NKAIN3: variants seen among roughly 807,000 people sequenced by gnomAD.
NKAIN3 encodes the protein sodium/potassium-transporting ATPase subunit beta-1-interacting protein 3.
In NKAIN3, 25 loss-of-function variants were observed where a neutral mutation model predicts 30.2. The observed-to-expected ratio is 0.83, with a 90% CI of 0.60 to 1.16. The LOEUF is 1.16. NKAIN3 is among the 50% of genes most tolerant of loss of function. The pLI is 0.00. For missense variants in NKAIN3, 225 were observed against 254.1 expected (o/e 0.89, Z 0.78); for synonymous variants, 91 against 89.6 (o/e 1.02, Z -0.09).
intron 4 of NKAIN3, among the ~76,000 whole-genome samples, chr8:62,799,643 C>T (rs57079192): frequency 0.014 from 2,104 of 152,294 alleles, 49 homozygotes; most frequent in African/African-American, 0.049. Flanking sequence ...GTGGAGATTC[C>T]TTAAAGAACT....
At chr8:62,743,030 C>T (rs1013241440) in intron 3 of NKAIN3, among the ~76,000 whole-genome samples, 3 of 152,140 alleles carry the variant, frequency 2.0e-5, no homozygotes, top group African/African-American at 7.2e-5. Context: ...GGGAAAACCA[C>T]CCCTATGACT....
At chr8:62,258,180 G>T (rs1585604595) in intron 1 of NKAIN3, among the ~76,000 whole-genome samples, 1 of 152,142 alleles carries the variant, frequency 6.6e-6, no homozygotes, top group African/African-American at 2.4e-5. Flanking sequence ...TGAGCCAATA[G>T]TACTTAATAT....
At chr8:62,858,658 A>C (rs1239136264) in intron 4 of NKAIN3, among the ~76,000 whole-genome samples, 1 of 152,174 alleles carries the variant, frequency 6.6e-6, no homozygotes, top group Admixed American at 6.5e-5. Flanking sequence ...GCTATGCTGC[A>C]CTGGGGAAAC....
At chr8:62,520,180 G>A (rs1808112515) in intron 1 of NKAIN3, among the ~76,000 whole-genome samples, 1 of 152,078 alleles carries the variant, frequency 6.6e-6, no homozygotes, top group Non-Finnish European at 1.5e-5. Context: ...TCCTTGGGCT[G>A]CTTCTCAGCA....
chr8:62,798,881 G>A (rs1817959373), intron 4 of NKAIN3, among the ~76,000 whole-genome samples: 1 of 152,114 alleles, frequency 6.6e-6, no homozygotes, highest in South Asian at 2.1e-4. Context: ...TGCTACCAGA[G>A]GCAGTGTCCT....
chr8:62,354,872 A>G (rs1816297201), intron 1 of NKAIN3, among the ~76,000 whole-genome samples: 1 of 152,224 alleles, frequency 6.6e-6, no homozygotes, highest in East Asian at 1.9e-4. Flanking sequence ...GCTGCATGGC[A>G]GGAGGAGAGC....
At chr8:62,307,797 G>T (rs1201556513) in intron 1 of NKAIN3, among the ~76,000 whole-genome samples, 1 of 150,778 alleles carries the variant, frequency 6.6e-6, no homozygotes, top group Non-Finnish European at 1.5e-5. Context: ...GACAAGAAGA[G>T]ATAGCACTTC....
At chr8:62,443,907 T>C (rs1051794478) in intron 1 of NKAIN3, among the ~76,000 whole-genome samples, 1 of 152,188 alleles carries the variant, frequency 6.6e-6, no homozygotes, top group Non-Finnish European at 1.5e-5. Flanking sequence ...GTAAGCACTT[T>C]GCCTGTATCA....
At chr8:62,331,464 G>A (rs761629886) in intron 1 of NKAIN3, among the ~76,000 whole-genome samples, 7 of 152,084 alleles carry the variant, frequency 4.6e-5, no homozygotes, top group Non-Finnish European at 8.8e-5. Context: ...TCATGTGCCT[G>A]GCACCGTCAG....
intron 4 of NKAIN3, among the ~76,000 whole-genome samples, chr8:62,860,418 C>G (rs10504356): frequency 0.083 from 12,600 of 152,278 alleles, 582 homozygotes; most frequent in South Asian, 0.14. Flanking sequence ...AGATTAATGA[C>G]ATTGTGTATA....
intron 4 of NKAIN3, among the ~76,000 whole-genome samples, chr8:62,788,298 G>T (rs1026254090): frequency 5.3e-5 from 8 of 152,170 alleles, no homozygotes; most frequent in Non-Finnish European, 1.2e-4. Context: ...GTGATGATGA[G>T]CATTTTTTCA....
At chr8:62,914,487 C>G (rs868819950) in intron 4 of NKAIN3, among the ~76,000 whole-genome samples, 1 of 150,612 alleles carries the variant, frequency 6.6e-6, no homozygotes, top group South Asian at 2.2e-4. Flanking sequence ...TACCCCCAAA[C>G]CTAAAATAAA....
intron 1 of NKAIN3, among the ~76,000 whole-genome samples, chr8:62,519,494 C>T (rs572512406): frequency 6.6e-6 from 1 of 152,210 alleles, no homozygotes; most frequent in South Asian, 2.1e-4. Flanking sequence ...ACAGGGATTA[C>T]ACGTATAGCA....
intron 3 of NKAIN3, among the ~76,000 whole-genome samples, chr8:62,676,579 A>G (rs1290844200): frequency 6.6e-6 from 1 of 152,184 alleles, no homozygotes; most frequent in Non-Finnish European, 1.5e-5. Context: ...AAAAACAAAA[A>G]CAAAGTATAC....
At chr8:62,835,731 C>A (rs1356628585) in intron 4 of NKAIN3, among the ~76,000 whole-genome samples, 1 of 152,068 alleles carries the variant, frequency 6.6e-6, no homozygotes, top group East Asian at 1.9e-4. Context: ...AACACTTACA[C>A]CCTGCTGGTG....
intron 4 of NKAIN3, among the ~76,000 whole-genome samples, chr8:62,891,044 T>C (rs989288195): frequency 2.0e-5 from 3 of 152,132 alleles, no homozygotes; most frequent in Non-Finnish European, 4.4e-5. Context: ...GAGGCAAGTA[T>C]GATAGTTAAT....
chr8:62,254,193 TGTG>T (rs1812197526), intron 1 of NKAIN3, among the ~76,000 whole-genome samples: 1 of 149,100 alleles, frequency 6.7e-6, no homozygotes, highest in Non-Finnish European at 1.5e-5. Context: ...TGTGTGTGTG[TGTG>T]TGTGTAGGTC....
chr8:62,340,436 A>C (rs887130295), intron 1 of NKAIN3, among the ~76,000 whole-genome samples: 4 of 151,836 alleles, frequency 2.6e-5, no homozygotes, highest in African/African-American at 9.7e-5. Context: ...GGGGAAAAGG[A>C]ATTCTAGTTT....
chr8:62,729,024 C>CAACCAAAAAAAAAAAAAA (rs1815365975), intron 3 of NKAIN3, among the ~76,000 whole-genome samples: 1 of 16,450 alleles, frequency 6.1e-5, no homozygotes, highest in Non-Finnish European at 1.2e-4. Context: ...ACAAACAAAC[C>CAACCAAAAAAAAAAAAAA]AAAAAAAAAA....
Sources: allele counts gnomAD v4.1 joint callset (sites outside exome capture counted in the v4.1 genomes callset), GRCh38; gene constraint gnomAD v4.1.1; transcripts MANE v1.5; gene names NCBI Gene and HGNC (gene_info 2026-07-23, HGNC 2026-07-21).